FREM3: variants seen among roughly 807,000 people sequenced by gnomAD.
FREM3 encodes FRAS1-related extracellular matrix protein 3.
FREM3 carries 105 observed loss-of-function variants against 129.1 expected under a neutral mutation model. The observed-to-expected ratio is 0.81, with a 90% CI of 0.69 to 0.96. The LOEUF (loss-of-function observed/expected upper bound fraction) is 0.96, where lower values mean the gene tolerates loss of function less well. Ranked by LOEUF, FREM3 falls within the 40% of genes least tolerant of loss-of-function variation. The probability of loss-of-function intolerance (pLI) is 0.00; values close to 1 mark genes in which losing one functional copy is unlikely to be tolerated. For missense variants in FREM3, 2,593 were observed against 2,666.3 expected (o/e 0.97, Z 0.61); for synonymous variants, 1,014 against 1,044.9 (o/e 0.97, Z 0.57).
intron 2 of FREM3, among the ~76,000 whole-genome samples, chr4:143,658,648 CA>C (rs1739642759): frequency 6.6e-6 from 1 of 152,180 alleles, no homozygotes; most frequent in South Asian, 2.1e-4. Flanking sequence ...GCATGCGGCC[CA>C]GGATGGCTTT....
Position 143,669,733 on chromosome 4 carries a change from T to A in FREM3, c.5275+23380A>T, listed in dbSNP as rs531685197. Among the ~76,000 whole-genome samples the A allele has an allele frequency of 5.1e-4, 78 of 152,022 alleles. 1 individual carries two copies. Among genetic ancestry groups the A allele is most frequent in the African/African-American group, 1.8e-3 (76 of 41,524 alleles). On this transcript the variant is annotated intron_variant, in intron 2 of 7. Transcript: ENST00000329798. The stretch of plus-strand genomic sequence containing the variant: ...TTGTATACAAACATCAGCTTCCAGA[T>A]GTTTGCCTATAGTTTTTGCTTTAAA...
chr4:143,653,933 A>T, intron 2 of FREM3, among the ~76,000 whole-genome samples: 1 of 152,204 alleles, frequency 6.6e-6, no homozygotes, highest in South Asian at 2.1e-4. Flanking sequence ...ACCAGAATGA[A>T]ACATGAGAAA....
chr4:143,687,771 A>G (rs2149861252), intron 2 of FREM3, among the ~76,000 whole-genome samples: 1 of 152,316 alleles, frequency 6.6e-6, no homozygotes, highest in East Asian at 1.9e-4. Flanking sequence ...TCACATGATC[A>G]TTTCCATAGA....
At chr4:143,640,521 T>C (rs1739304714) in intron 2 of FREM3, among the ~76,000 whole-genome samples, 1 of 152,122 alleles carries the variant, frequency 6.6e-6, no homozygotes, top group Admixed American at 6.6e-5. Flanking sequence ...AAATACAAAA[T>C]TAGCTGGGCG....
intron 6 of FREM3, among the ~76,000 whole-genome samples, chr4:143,596,770 A>T (rs1049109774): frequency 6.6e-5 from 8 of 121,250 alleles, no homozygotes; most frequent in Non-Finnish European, 9.2e-5. Context: ...TCCCATCTCT[A>T]TAAAAAAATA....
At chr4:143,590,546 ATT>A (rs1738339566) in intron 6 of FREM3, among the ~76,000 whole-genome samples, 1 of 152,012 alleles carries the variant, frequency 6.6e-6, no homozygotes, top group Non-Finnish European at 1.5e-5. Context: ...ACGTTTATTG[ATT>A]TTTGTATGTT....
At chr4:143,677,223 C>T (rs1269987900) in intron 2 of FREM3, among the ~76,000 whole-genome samples, 3 of 152,140 alleles carry the variant, frequency 2.0e-5, no homozygotes, top group Admixed American at 6.5e-5. Flanking sequence ...GAACAGAGCC[C>T]TCAGAAATAA....
At chr4:143,660,511 GT>G (rs906069586) in intron 2 of FREM3, among the ~76,000 whole-genome samples, 4 of 152,188 alleles carry the variant, frequency 2.6e-5, no homozygotes, top group African/African-American at 9.7e-5. Context: ...TTGAAGTCGA[GT>G]AGCGTGATGC....
At chr4:143,683,751 A>G (rs953371946) in intron 2 of FREM3, among the ~76,000 whole-genome samples, 19 of 152,212 alleles carry the variant, frequency 1.2e-4, no homozygotes, top group African/African-American at 4.6e-4. Context: ...GCTGGGAGGC[A>G]GATAGCCTGG....
intron 2 of FREM3, among the ~76,000 whole-genome samples, chr4:143,641,737 AT>A (rs1739323840): frequency 6.6e-6 from 1 of 152,176 alleles, no homozygotes; most frequent in African/African-American, 2.4e-5. Flanking sequence ...CAAATCAATA[AT>A]TGTTAGTTAA....
intron 2 of FREM3, among the ~76,000 whole-genome samples, chr4:143,690,284 A>G (rs886945772): frequency 6.6e-6 from 1 of 152,196 alleles, no homozygotes. Context: ...CAAGACTACA[A>G]GAGTTGAGCT....
intron 6 of FREM3, among the ~76,000 whole-genome samples, chr4:143,597,719 G>A (rs1738507865): frequency 6.6e-6 from 1 of 152,128 alleles, no homozygotes; most frequent in Non-Finnish European, 1.5e-5. Context: ...CTAAGGCAGG[G>A]AAAGACTTGT....
chr4:143,632,692 T>C (rs1259038677), intron 2 of FREM3, among the ~76,000 whole-genome samples: 1 of 152,142 alleles, frequency 6.6e-6, no homozygotes, highest in African/African-American at 2.4e-5. Flanking sequence ...TGGGATTTGA[T>C]GAGTCCCTCA....
chr4:143,640,172 A>G (rs1739299720), intron 2 of FREM3, among the ~76,000 whole-genome samples: 1 of 152,170 alleles, frequency 6.6e-6, no homozygotes. Context: ...AGGGTACTGC[A>G]GTTGATTGTC....
At chr4:143,670,553 C>T (rs1191522149) in intron 2 of FREM3, among the ~76,000 whole-genome samples, 1 of 152,094 alleles carries the variant, frequency 6.6e-6, no homozygotes, top group East Asian at 1.9e-4. Flanking sequence ...TTTGACTTTT[C>T]AAGCAATAAA....
intron 6 of FREM3, among the ~76,000 whole-genome samples, chr4:143,592,224 C>G (rs940874089): frequency 3.9e-5 from 6 of 152,130 alleles, no homozygotes; most frequent in African/African-American, 1.4e-4. Flanking sequence ...TTAATTGGAG[C>G]ATTTAGCCCA....
chr4:143,619,671 ACT>A (rs1738912753), intron 5 of FREM3, among the ~76,000 whole-genome samples: 1 of 152,196 alleles, frequency 6.6e-6, no homozygotes, highest in Non-Finnish European at 1.5e-5. Context: ...TGGAAAGCAG[ACT>A]CATGCTTTGT....
chr4:143,599,611 C>T lies in FREM3; in HGVS notation c.6028+11668G>A, dbSNP rs548437772. Among the ~76,000 whole-genome samples the T allele has an allele frequency of 2.0e-5, 3 of 152,218 alleles. No homozygotes were observed. The East Asian group carries it at 5.8e-4, about 29-fold the overall frequency. On this transcript the variant is annotated intron_variant, in intron 6 of 7. Coordinates refer to ENST00000329798, the MANE Select transcript of FREM3 (RefSeq NM_001168235.2). ...CAGATCTGACTTGAATCATGTCAGA[C>T]CTACCAGTGGAGATTCAACCACTTG...
At chr4:143,650,081 A>C (rs1243833798) in intron 2 of FREM3, among the ~76,000 whole-genome samples, 1 of 152,248 alleles carries the variant, frequency 6.6e-6, no homozygotes, top group African/African-American at 2.4e-5. Flanking sequence ...GCTATCGCAC[A>C]GTCAGCATTC....
Sources: gnomAD v4.1 joint callset for allele counts (sites outside exome capture counted in the v4.1 genomes callset) on GRCh38, gnomAD v4.1.1 for gene constraint, MANE v1.5 for transcripts, NCBI Gene and HGNC (gene_info 2026-07-23, HGNC 2026-07-21) for gene names.